The following CRPPA variants were observed in gnomAD, a reference collection of about 807,000 sequenced individuals.
The protein encoded by CRPPA is CDP-L-ribitol pyrophosphorylase A, also known as D-ribitol-5-phosphate cytidylyltransferase.
CRPPA carries 43 observed loss-of-function variants against 52.0 expected under a neutral mutation model. The ratio of observed to expected loss-of-function variants is 0.83; its 90% CI spans 0.65 to 1.07. The LOEUF is 1.07. CRPPA is among the 50% of genes least tolerant of loss of function. The probability of loss-of-function intolerance (pLI) is 0.00; values close to 1 mark genes in which losing one functional copy is unlikely to be tolerated. For missense variants in CRPPA, 629 were observed against 551.7 expected (o/e 1.14, Z -1.40); for synonymous variants, 250 against 203.5 (o/e 1.23, Z -1.94).
chr7:16,127,265 A>G (rs961104998), intron 9 of CRPPA, among the ~76,000 whole-genome samples: 13 of 152,158 alleles, frequency 8.5e-5, no homozygotes, highest in Non-Finnish European at 1.8e-4. Flanking sequence ...TGTTTTATCA[A>G]GAGTTTCCCT....
intron 9 of CRPPA, among the ~76,000 whole-genome samples, chr7:16,097,169 C>T (rs1194778474): frequency 6.6e-6 from 1 of 151,688 alleles, no homozygotes; most frequent in Non-Finnish European, 1.5e-5. Context: ...GTAAAAGGCC[C>T]CTAAAGGAAT....
At chr7:16,211,807 G>A (rs1020989200) in intron 9 of CRPPA, among the ~76,000 whole-genome samples, 3 of 152,092 alleles carry the variant, frequency 2.0e-5, no homozygotes, top group African/African-American at 4.8e-5. Context: ...TAATTACAAG[G>A]AGTTTCACAA....
At chr7:16,288,507 T>G (rs1395800937) in intron 5 of CRPPA, among the ~76,000 whole-genome samples, 2 of 151,764 alleles carry the variant, frequency 1.3e-5, no homozygotes, top group African/African-American at 4.8e-5. Context: ...AACCCAAAAT[T>G]TGTAGAAGGA....
chr7:16,317,886 TCCATACCCTCA>T (rs1289553156), intron 3 of CRPPA, among the ~76,000 whole-genome samples: 1 of 152,190 alleles, frequency 6.6e-6, no homozygotes, highest in Non-Finnish European at 1.5e-5. Flanking sequence ...TTCTCTTTTG[TCCATACCCTCA>T]CCAACATTTG....
chr7:16,193,461 C>T (rs924635163), intron 9 of CRPPA, among the ~76,000 whole-genome samples: 2 of 152,048 alleles, frequency 1.3e-5, no homozygotes, highest in Non-Finnish European at 2.9e-5. Flanking sequence ...ACATAAATTA[C>T]TTCTAAGGTA....
chr7:16,291,319 C>T (rs1422388675), intron 5 of CRPPA, among the ~76,000 whole-genome samples: 1 of 151,772 alleles, frequency 6.6e-6, no homozygotes, highest in African/African-American at 2.4e-5. Context: ...TTCATAATAG[C>T]CAATATACAA....
At chr7:16,281,593 A>G (rs1784321340) in intron 5 of CRPPA, among the ~76,000 whole-genome samples, 1 of 152,198 alleles carries the variant, frequency 6.6e-6, no homozygotes, top group Non-Finnish European at 1.5e-5. Context: ...TCATATTGTC[A>G]TTAAGTAATT....
At chr7:16,142,552 G>A (rs1465570753) in intron 9 of CRPPA, among the ~76,000 whole-genome samples, 2 of 152,176 alleles carry the variant, frequency 1.3e-5, no homozygotes, top group African/African-American at 4.8e-5. Flanking sequence ...TGGTCAAATA[G>A]ATCTTCCAAA....
intron 5 of CRPPA, among the ~76,000 whole-genome samples, chr7:16,286,064 T>TAATATTTAAAA (rs1562608511): frequency 2.7e-4 from 8 of 29,768 alleles, no homozygotes; most frequent in African/African-American, 6.2e-4. Flanking sequence ...TATATATATA[T>TAATATTTAAAA]ATATATATAT....
At chr7:16,118,662 T>C (rs1399599037) in intron 9 of CRPPA, among the ~76,000 whole-genome samples, 1 of 152,126 alleles carries the variant, frequency 6.6e-6, no homozygotes, top group African/African-American at 2.4e-5. Flanking sequence ...ATAGTTAAGA[T>C]GAATTCATGA....
intron 9 of CRPPA, among the ~76,000 whole-genome samples, chr7:16,095,336 A>T (rs1034860403): frequency 6.6e-6 from 1 of 152,178 alleles, no homozygotes; most frequent in African/African-American, 2.4e-5. Flanking sequence ...AACTTAAGTG[A>T]TCTTTGAGCA....
chr7:16,142,381 G>A (rs1369852504), intron 9 of CRPPA, among the ~76,000 whole-genome samples: 1 of 151,956 alleles, frequency 6.6e-6, no homozygotes, highest in African/African-American at 2.4e-5. Context: ...TTTAAATAAT[G>A]GACCACACTT....
chr7:16,224,735 C>T (rs768626553), intron 8 of CRPPA, among the ~76,000 whole-genome samples: 16 of 151,984 alleles, frequency 1.1e-4, no homozygotes, highest in Admixed American at 6.5e-4. Flanking sequence ...TGACACCAGC[C>T]GATACTAAAC....
chr7:16,245,520 C>A (rs1240337696), intron 8 of CRPPA, among the ~76,000 whole-genome samples: 2 of 152,186 alleles, frequency 1.3e-5, no homozygotes, highest in African/African-American at 4.8e-5. Flanking sequence ...CCTCTCCATC[C>A]AAGAAGCCAG....
At chr7:16,151,638 G>T (rs1262906134) in intron 9 of CRPPA, among the ~76,000 whole-genome samples, 1 of 151,888 alleles carries the variant, frequency 6.6e-6, no homozygotes, top group African/African-American at 2.4e-5. Context: ...TAGACATTTT[G>T]AAGTGTATTT....
At chr7:16,358,204 TG>T (rs1282773925) in intron 3 of CRPPA, among the ~76,000 whole-genome samples, 1 of 151,428 alleles carries the variant, frequency 6.6e-6, no homozygotes, top group Non-Finnish European at 1.5e-5. Flanking sequence ...CACATGGCCA[TG>T]GCAGCTGTGG....
At chr7:16,119,579 T>C (rs986564995) in intron 9 of CRPPA, among the ~76,000 whole-genome samples, 8 of 151,406 alleles carry the variant, frequency 5.3e-5, no homozygotes, top group Non-Finnish European at 7.4e-5. Flanking sequence ...TGTAACTCTA[T>C]GACCTTTATA....
chr7:16,315,397 A>G (rs1785123823), intron 3 of CRPPA, among the ~76,000 whole-genome samples: 1 of 152,032 alleles, frequency 6.6e-6, no homozygotes, highest in South Asian at 2.1e-4. Context: ...TACTTCGTAA[A>G]TTTTCCTTGA....
At chr7:16,350,112 TA>T (rs201005576) in intron 3 of CRPPA, among the ~76,000 whole-genome samples, 44,924 of 148,386 alleles carry the variant, frequency 0.3, 6,893 homozygotes, top group African/African-American at 0.35. Context: ...TTCAAGAACT[TA>T]AAAAAAAAAA....
Sources: allele counts gnomAD v4.1 joint callset (sites outside exome capture counted in the v4.1 genomes callset), GRCh38; gene constraint gnomAD v4.1.1; transcripts MANE v1.5; gene names NCBI Gene and HGNC (gene_info 2026-07-23, HGNC 2026-07-21).